Variants in AGBL4 observed in about 807,000 individuals in gnomAD.
AGBL4 encodes the protein cytosolic carboxypeptidase 6.
Under a neutral mutation model 66.4 loss-of-function variants are expected in AGBL4, and 58 were observed. The ratio of observed to expected loss-of-function variants is 0.87; its 90% CI spans 0.71 to 1.09. The LOEUF is 1.09. AGBL4 is among the 50% of genes least tolerant of loss of function. The probability of loss-of-function intolerance (pLI) is 0.00; values close to 1 mark genes in which losing one functional copy is unlikely to be tolerated. For missense variants in AGBL4, 579 were observed against 631.0 expected (o/e 0.92, Z 0.88); for synonymous variants, 234 against 222.9 (o/e 1.05, Z -0.44).
chr1:49,544,142 C>T (rs757364355), intron 3 of AGBL4, among the ~76,000 whole-genome samples: 31 of 152,110 alleles, frequency 2.0e-4, no homozygotes, highest in Non-Finnish European at 3.7e-4. Flanking sequence ...GAATGCCCTG[C>T]TTTAGGAACT....
chr1:50,014,269 G>A (rs1288704195), intron 1 of AGBL4, among the ~76,000 whole-genome samples: 4 of 151,970 alleles, frequency 2.6e-5, no homozygotes, highest in South Asian at 2.1e-4. Flanking sequence ...TACTTGGGAG[G>A]CTGAGGTAGG....
intron 4 of AGBL4, among the ~76,000 whole-genome samples, chr1:49,194,809 T>G (rs1647194978): frequency 6.6e-6 from 1 of 152,116 alleles, no homozygotes; most frequent in Non-Finnish European, 1.5e-5. Flanking sequence ...AGTATGATCT[T>G]TATTTCATAG....
chr1:49,806,710 C>A (rs2147960726), intron 2 of AGBL4, among the ~76,000 whole-genome samples: 1 of 152,256 alleles, frequency 6.6e-6, no homozygotes, highest in Admixed American at 6.5e-5. Context: ...TTGGAGATTA[C>A]CAGGGATACC....
At chr1:49,342,367 T>C (rs181844083) in intron 3 of AGBL4, among the ~76,000 whole-genome samples, 197 of 152,152 alleles carry the variant, frequency 1.3e-3, no homozygotes, top group Middle Eastern at 3.4e-3. Flanking sequence ...AAAACAATTA[T>C]AAAAAGCCCA....
chr1:49,160,653 C>T (rs968962134), intron 4 of AGBL4, among the ~76,000 whole-genome samples: 3 of 152,082 alleles, frequency 2.0e-5, no homozygotes, highest in Non-Finnish European at 2.9e-5. Context: ...TGCCCACAGC[C>T]GCCCCTTCCC....
chr1:49,868,571 C>A (rs1646763041), intron 1 of AGBL4, among the ~76,000 whole-genome samples: 1 of 152,098 alleles, frequency 6.6e-6, no homozygotes, highest in African/African-American at 2.4e-5. Context: ...AAAATTGAAA[C>A]CGGACTCCTA....
At chr1:48,659,704 A>G (rs1341559218) in intron 7 of AGBL4, among the ~76,000 whole-genome samples, 3 of 152,160 alleles carry the variant, frequency 2.0e-5, no homozygotes, top group Non-Finnish European at 4.4e-5. Flanking sequence ...GCTGGGGCCC[A>G]CAGTCTGGGA....
intron 1 of AGBL4, chr1:49,995,492 G>A: frequency 2.9e-6 from 1 of 347,554 alleles, no homozygotes; most frequent in Non-Finnish European, 5.7e-6. Context: ...GCTGAAGCAG[G>A]CCCTGCCCAA....
At chr1:49,568,550 T>C (rs1382616383) in intron 3 of AGBL4, among the ~76,000 whole-genome samples, 1 of 140,360 alleles carries the variant, frequency 7.1e-6, no homozygotes, top group Non-Finnish European at 1.5e-5. Flanking sequence ...AAAGGAAGAA[T>C]CAATATTGTT....
chr1:49,530,259 T>TAAAAAA lies in AGBL4; in HGVS notation c.282+167048_282+167053dup, dbSNP rs543885264. Among the ~76,000 whole-genome samples the TAAAAAA allele has an allele frequency of 2.4e-3, 184 of 75,912 alleles. 22 individuals carry two copies. The highest frequency in any genetic ancestry group is 5.7e-3 in the Admixed American group (36 of 6,270). The allele number at this position is 75,912 out of a possible 152,430, so 49.8% of individuals were successfully genotyped here. ...CAGCTATGTTTTCAAGTAGAATTTG[T>TAAAAAA]AAAAAAAAAAAAACAAAAAAAAACT... On this transcript the variant is annotated intron_variant, in intron 3 of 13. Coordinates refer to ENST00000371839, the MANE Select transcript of AGBL4 (RefSeq NM_032785.4).
chr1:49,905,289 G>A (rs1650165508), intron 1 of AGBL4, among the ~76,000 whole-genome samples: 1 of 152,114 alleles, frequency 6.6e-6, no homozygotes, highest in African/African-American at 2.4e-5. Flanking sequence ...TTAAAGCATA[G>A]GGAGATCATA....
chr1:49,667,490 C>T (rs904954459), intron 3 of AGBL4, among the ~76,000 whole-genome samples: 1 of 151,724 alleles, frequency 6.6e-6, no homozygotes, highest in African/African-American at 2.4e-5. Context: ...GTAGATTTAT[C>T]TTTAAAATAT....
intron 11 of AGBL4, among the ~76,000 whole-genome samples, chr1:48,557,142 G>A (rs67281393): frequency 0.058 from 8,762 of 152,220 alleles, 262 homozygotes; most frequent in South Asian, 0.097. Flanking sequence ...CAACAATGAT[G>A]TCTGCTTTGT....
intron 3 of AGBL4, among the ~76,000 whole-genome samples, chr1:49,368,055 AT>A (rs1414584896): frequency 2.0e-5 from 3 of 151,954 alleles, no homozygotes; most frequent in African/African-American, 7.3e-5. Flanking sequence ...CACTTTGCAT[AT>A]TTTTCAGGGT....
intron 4 of AGBL4, among the ~76,000 whole-genome samples, chr1:49,157,518 T>C (rs888829044): frequency 5.1e-4 from 77 of 152,192 alleles, no homozygotes; most frequent in African/African-American, 1.8e-3. Context: ...GGTTTGCTAT[T>C]GTGAACAGTG....
intron 8 of AGBL4, among the ~76,000 whole-genome samples, chr1:48,647,926 C>A (rs939936732): frequency 1.3e-5 from 2 of 152,166 alleles, no homozygotes; most frequent in African/African-American, 4.8e-5. Context: ...AGCTTCTTGG[C>A]TCTGTAATAC....
chr1:49,799,914 C>A (rs1644819174), intron 2 of AGBL4, among the ~76,000 whole-genome samples: 1 of 151,980 alleles, frequency 6.6e-6, no homozygotes, highest in South Asian at 2.1e-4. Flanking sequence ...CATTAGCTTT[C>A]TTTATGTATA....
intron 6 of AGBL4, among the ~76,000 whole-genome samples, chr1:48,698,104 C>T (rs1264880858): frequency 6.6e-6 from 1 of 152,184 alleles, no homozygotes; most frequent in Admixed American, 6.5e-5. Context: ...GTACCCAGGC[C>T]ATGGTGACCC....
At chr1:48,723,674 T>G (rs1647184951) in intron 6 of AGBL4, among the ~76,000 whole-genome samples, 1 of 152,230 alleles carries the variant, frequency 6.6e-6, no homozygotes, top group South Asian at 2.1e-4. Context: ...TCTGGAGAGA[T>G]ATGCAGTCTT....
Sources: allele counts gnomAD v4.1 joint callset (sites outside exome capture counted in the v4.1 genomes callset), GRCh38; gene constraint gnomAD v4.1.1; transcripts MANE v1.5; gene names NCBI Gene and HGNC (gene_info 2026-07-23, HGNC 2026-07-21).